The following STAB2 variants were observed in gnomAD, a reference collection of about 807,000 sequenced individuals.
STAB2 encodes the protein stabilin-2.
STAB2 carries 288 observed loss-of-function variants against 338.1 expected under a neutral mutation model. The observed-to-expected ratio is 0.85, with a 90% confidence interval of 0.77 to 0.94. STAB2 has a LOEUF of 0.94. STAB2 is among the 40% of genes least tolerant of loss of function. The pLI is 0.00. For missense variants in STAB2, 3,141 were observed against 3,210.1 expected, an observed-to-expected ratio of 0.98 and a Z score of 0.52; for synonymous variants, 1,202 against 1,193.3, an observed-to-expected ratio of 1.01 and a Z score of -0.15.
intron 18 of STAB2, among the ~76,000 whole-genome samples, chr12:103,665,181 C>A (rs930651687): frequency 6.6e-6 from 1 of 152,152 alleles, no homozygotes; most frequent in Non-Finnish European, 1.5e-5. Flanking sequence ...TGAGTGGGTT[C>A]ATCAAAAGTC....
intron 44 of STAB2, among the ~76,000 whole-genome samples, chr12:103,723,934 G>A (rs1880978298): frequency 6.8e-6 from 1 of 146,402 alleles, no homozygotes; most frequent in African/African-American, 2.7e-5. Flanking sequence ...AGAGAGGGAT[G>A]CTTGAAATGG....
At chr12:103,702,067 T>C (rs1215040472) in intron 34 of STAB2, among the ~76,000 whole-genome samples, 1 of 151,094 alleles carries the variant, frequency 6.6e-6, no homozygotes, top group East Asian at 1.9e-4. Context: ...CAGTTATATA[T>C]GTGTTATATT....
At position 103,755,419 on chromosome 12, in the gene STAB2, A is replaced by G. The variant is rs1319984222; in HGVS notation, c.6832A>G (p.Arg2278Gly). Residue 2278 changes from arginine (R) to glycine (G), a missense_variant, in exon 62 of 69, where the codon AGA (arginine) becomes GGA (glycine). By Grantham distance (125) the Arg-to-Gly change is moderately radical (BLOSUM62 -2). Coordinates refer to ENST00000388887, the MANE Select transcript of STAB2 (RefSeq NM_017564.10). ...GGTTGGGATAGTGGACTATGGACCT[A>G]GACCCAACAAGAGTGAAATGTGGGA... ...GVVGIVDYGP[R>G]PNKSEMWDVF... 1 of 1,614,018 alleles carries G rather than the reference A, an allele frequency of 6.2e-7. No homozygotes were observed. The highest frequency in any genetic ancestry group is 8.5e-7 in the Non-Finnish European group (1 of 1,180,038).
rs765451081 is a variant in STAB2, at chr12:103,640,129, T to C, written c.913T>C (p.Cys305Arg). Reference sequence around the variant, plus strand: ...CTCTTCCTGTCTACTGAAGTCTCACTGCGAGTGTAAGGAGCATTACCAGAA... The same window carrying C: ...CTCTTCCTGTCTACTGAAGTCTCACCGCGAGTGTAAGGAGCATTACCAGAA... Reference protein sequence around the residue: ...CKYDGPGQSHCECKEHYQNFV... With the variant: ...CKYDGPGQSHRECKEHYQNFV... The change falls in exon 9 of 69, where the codon TGC becomes CGC. Residue 305 changes from cysteine to arginine, a missense_variant. Cys to Arg is a radical substitution (Grantham distance 180). Transcript: ENST00000388887. The C allele has an allele frequency of 6.2e-7, 1 of 1,612,350 alleles. No individual in the cohort carries two copies. Among genetic ancestry groups the C allele is most frequent in the Non-Finnish European group, 8.5e-7 (1 of 1,178,838 alleles).
At chr12:103,667,547 G>GGAAAA (rs1368606534) in intron 19 of STAB2, among the ~76,000 whole-genome samples, 1 of 152,064 alleles carries the variant, frequency 6.6e-6, no homozygotes, top group Non-Finnish European at 1.5e-5. Context: ...GAAGGAAGAG[G>GGAAAA]GAAAAGAAAG....
chr12:103,735,683 C>A, intron 52 of STAB2, 103 bp downstream of exon 52: 1 of 987,668 alleles, frequency 1.0e-6, no homozygotes, highest in Non-Finnish European at 1.4e-6. Flanking sequence ...TTTTCCCCTC[C>A]ATTCATAGCG....
intron 17 of STAB2, among the ~76,000 whole-genome samples, chr12:103,662,152 G>C (rs1874680573): frequency 6.6e-6 from 1 of 152,192 alleles, no homozygotes; most frequent in Non-Finnish European, 1.5e-5. Flanking sequence ...AGTAACTGCA[G>C]TCTTGCAATT....
At position 103,749,164 on chromosome 12, in the gene STAB2, G is replaced by A. The variant is rs202210397; in HGVS notation, c.6438+8G>A. ...TGTAAGATGACAGGCCCGGTGAGTC[G>A]CTCTTTCCCAGGGAAATTTGGGAGC... is the stretch of plus-strand genomic sequence containing the variant. On this transcript the variant is annotated splice_region_variant and intron_variant, in intron 59 of 68. Transcript: ENST00000388887. 9 of 1,585,864 alleles carry A rather than the reference G, an allele frequency of 5.7e-6. No individual in the cohort carries two copies. Among genetic ancestry groups the A allele is most frequent in the East Asian group, 2.3e-5 (1 of 44,324 alleles).
At position 103,734,952 on chromosome 12, in the gene STAB2, T is replaced by C. The variant is rs536184738; in HGVS notation, c.5461-539T>C. On this transcript the variant is annotated intron_variant, in intron 51 of 68. Coordinates refer to ENST00000388887, the MANE Select transcript of STAB2 (RefSeq NM_017564.10). Reference sequence around the variant, plus strand: ...GACTGTCTCTCCCTGTGTGTTTCTGTGCCTTCACGTAGCATTTGCCTCTTC... The same window carrying C: ...GACTGTCTCTCCCTGTGTGTTTCTGCGCCTTCACGTAGCATTTGCCTCTTC... Among the ~76,000 whole-genome samples the C allele has an allele frequency of 2.0e-5, 3 of 152,336 alleles. No homozygotes were observed. In the South Asian group the frequency reaches 6.2e-4, roughly 32 times the overall value.
chr12:103,741,721 C>G (rs1208997478), intron 55 of STAB2, among the ~76,000 whole-genome samples: 1 of 152,250 alleles, frequency 6.6e-6, no homozygotes, highest in Admixed American at 6.5e-5. Flanking sequence ...TCCCAAAGTG[C>G]TAGGATTACA....
chr12:103,670,881 C>A, intron 22 of STAB2, 74 bp downstream of exon 22: 1 of 1,263,516 alleles, frequency 7.9e-7, no homozygotes, highest in Non-Finnish European at 1.1e-6. Flanking sequence ...GGTGCTGGTG[C>A]AGGGCTGGTG....
At chr12:103,668,993 T>A (rs1192631051) in intron 20 of STAB2, 6 of 400,646 alleles carry the variant, frequency 1.5e-5, no homozygotes, top group Non-Finnish European at 2.2e-5. Context: ...CCTGTGGCTC[T>A]GACCTGCCTG....
intron 39 of STAB2, chr12:103,711,226 C>T (rs534374328): frequency 1.8e-6 from 1 of 541,986 alleles, no homozygotes; most frequent in African/African-American, 1.9e-5. Flanking sequence ...TTCACTCTTG[C>T]ATCCTCACTG....
In STAB2 at chr12:103,749,409, C is replaced by T. The variant is rs1330199213; in HGVS notation, c.6438+253C>T. Among the ~76,000 whole-genome samples, 6 of 152,172 alleles carry T rather than the reference C, an allele frequency of 3.9e-5. No individual in the cohort carries two copies. The South Asian group carries it at 1.2e-3, about 32-fold the overall frequency. ...AACAGTAATGTACCAACATTAATTT[C>T]TTAGCTCTGACTAATGTGCTATAGT... On this transcript the variant is annotated intron_variant, in intron 59 of 68. Transcript: ENST00000388887.
At chr12:103,617,680 G>A (rs550511793) in intron 3 of STAB2, among the ~76,000 whole-genome samples, 2 of 152,302 alleles carry the variant, frequency 1.3e-5, no homozygotes, top group African/African-American at 4.8e-5. Context: ...CCAATGTCTT[G>A]CTTTTCGAAT....
Position 103,670,631 on chromosome 12 carries a change from C to T in STAB2, c.2260-65C>T, listed in dbSNP as rs555082722. On this transcript the variant is annotated intron_variant, in intron 21 of 68. Coordinates refer to ENST00000388887, the MANE Select transcript of STAB2 (RefSeq NM_017564.10). ...TAATCTGAATTCAAAGAAGTCAGGCCATGAAATGAAAACACCTGAGAACTA... is the reference window on the plus strand; with the variant it reads ...TAATCTGAATTCAAAGAAGTCAGGCTATGAAATGAAAACACCTGAGAACTA... The T allele has an allele frequency of 2.4e-6, 3 of 1,269,290 alleles. No individual in the cohort carries two copies. In the South Asian group the frequency reaches 3.7e-5, roughly 16 times the overall value. 78.6% of individuals were successfully genotyped at this position (1,269,290 alleles called of 1,614,324 possible).
At position 103,674,068 on chromosome 12, in the gene STAB2, T is replaced by C. The variant is rs147413689; in HGVS notation, c.2533T>C (p.Tyr845His). The C allele has an allele frequency of 1.3e-5, 21 of 1,611,992 alleles. No individual in the cohort carries two copies. The highest frequency in any genetic ancestry group is 1.6e-4 in the Middle Eastern group (1 of 6,080). ...QFCHIHATCE[Y>H]SNGTASCICK... ...CTGTCACATCCACGCCACCTGTGAATACAGCAATGGGACAGCCAGGTAGGT... is the reference window on the plus strand; with the variant it reads ...CTGTCACATCCACGCCACCTGTGAACACAGCAATGGGACAGCCAGGTAGGT... The change falls in exon 23 of 69, where the codon TAC becomes CAC. Residue 845 changes from tyrosine to histidine, a missense_variant. Tyr to His is a moderately conservative substitution (Grantham distance 83). Coordinates refer to ENST00000388887, the MANE Select transcript of STAB2 (RefSeq NM_017564.10).
At chr12:103,713,183 T>A (rs1880021563) in intron 41 of STAB2, among the ~76,000 whole-genome samples, 2 of 152,226 alleles carry the variant, frequency 1.3e-5, no homozygotes, top group African/African-American at 4.8e-5. Flanking sequence ...ACCTGTGAAG[T>A]GCTTAGAACA....
chr12:103,670,849 G>T (rs777031619), intron 22 of STAB2, 42 bp downstream of exon 22: 9 of 1,533,598 alleles, frequency 5.9e-6, no homozygotes, highest in East Asian at 2.3e-5. Flanking sequence ...CCTAAGCAAG[G>T]TTCCCTCTCG....
Sources: gnomAD v4.1 joint callset for allele counts (sites outside exome capture counted in the v4.1 genomes callset) on GRCh38, gnomAD v4.1.1 for gene constraint, MANE v1.5 for transcripts, NCBI Gene and HGNC (gene_info 2026-07-23, HGNC 2026-07-21) for gene names.